Variants in SEM1 observed in about 807,000 individuals in gnomAD.
SEM1 encodes the protein 26S proteasome complex subunit SEM1.
In SEM1, 3 loss-of-function variants were observed where a neutral mutation model predicts 12.7. That is an observed-to-expected ratio of 0.24 (90% CI 0.11 to 0.61). SEM1 has a LOEUF of 0.61. Ranked by LOEUF, SEM1 falls within the 20% of genes least tolerant of loss-of-function variation. The pLI is 0.88. For synonymous variants in SEM1, 30 were observed against 27.8 expected, an observed-to-expected ratio of 1.08 and a Z score of -0.25; for missense variants, 59 against 81.3, an observed-to-expected ratio of 0.73 and a Z score of 1.06.
intron 1 of SEM1, among the ~76,000 whole-genome samples, chr7:96,700,997 A>G (rs1211427466): frequency 6.6e-6 from 1 of 152,216 alleles, no homozygotes; most frequent in Non-Finnish European, 1.5e-5. Flanking sequence ...ACTGCAAAAT[A>G]AATCAATTAT....
intron 2 of SEM1, among the ~76,000 whole-genome samples, chr7:96,595,991 G>T (rs1806987475): frequency 6.6e-6 from 1 of 152,208 alleles, no homozygotes; most frequent in Non-Finnish European, 1.5e-5. Flanking sequence ...GCATAGGGTG[G>T]AGGGGAGGGA....
chr7:96,578,885 G>T (rs1010549101), intron 2 of SEM1, among the ~76,000 whole-genome samples: 1 of 152,232 alleles, frequency 6.6e-6, no homozygotes, highest in African/African-American at 2.4e-5. Context: ...TCTATTTATT[G>T]TGAAGAATTC....
chr7:96,685,147 C>T (rs1256874475), downstream of SEM1, among the ~76,000 whole-genome samples: 1 of 152,058 alleles, frequency 6.6e-6, no homozygotes, highest in Non-Finnish European at 1.5e-5. Context: ...CTGTAGAAAG[C>T]ATTATTAATA....
intron 1 of SEM1, among the ~76,000 whole-genome samples, chr7:96,707,182 A>G (rs1168822563): frequency 1.3e-5 from 2 of 152,224 alleles, no homozygotes; most frequent in Non-Finnish European, 2.9e-5. Flanking sequence ...CTCCCAGGCA[A>G]TGCCAAGTCT....
chr7:96,588,385 CA>C, intron 2 of SEM1, among the ~76,000 whole-genome samples: 1 of 81,162 alleles, frequency 1.2e-5, no homozygotes, highest in African/African-American at 3.8e-5. Context: ...CACACACACA[CA>C]CACACACACA....
intron 2 of SEM1, among the ~76,000 whole-genome samples, chr7:96,557,019 C>T (rs922463879): frequency 2.0e-5 from 3 of 149,162 alleles, no homozygotes; most frequent in African/African-American, 2.5e-5. Flanking sequence ...ACGTAGTTCT[C>T]GAGCCTTGGT....
At chr7:96,684,186 T>C (rs74600968), downstream of SEM1, among the ~76,000 whole-genome samples, 222 of 152,280 alleles carry the variant, frequency 1.5e-3, no homozygotes, top group African/African-American at 5.0e-3. Context: ...CAATTGAGAC[T>C]ACATGCTCCC....
chr7:96,627,881 C>G (rs371839640), intron 2 of SEM1, among the ~76,000 whole-genome samples: 16 of 152,002 alleles, frequency 1.1e-4, no homozygotes, highest in Admixed American at 3.9e-4. Context: ...AGTCTCTTAA[C>G]TATGATTGTA....
Position 96,483,853 on chromosome 7 carries a change from A to C in SEM1, c.*6T>G, listed in dbSNP as rs750166675. ...CCAGACTTCCATCTCTGCTATTGAT[A>C]TGCTGCTAGCAAGTTCTTTCTGCTG... On this transcript the variant is annotated 3_prime_UTR_variant, in exon 4 of 4. Coordinates refer to the SEM1 transcript ENST00000356686. 9.8e-6 allele frequency: 15 copies of C among 1,536,482 alleles called. No individual in the cohort carries two copies. In the Admixed American group the frequency reaches 2.6e-4, roughly 26 times the overall value.
At chr7:96,572,010 T>C (rs1445983178) in intron 2 of SEM1, among the ~76,000 whole-genome samples, 1 of 152,162 alleles carries the variant, frequency 6.6e-6, no homozygotes, top group East Asian at 1.9e-4. Flanking sequence ...GGTTTAGTCT[T>C]GGGAGAGTGT....
intron 2 of SEM1, among the ~76,000 whole-genome samples, chr7:96,572,605 C>A (rs988800372): frequency 1.3e-5 from 2 of 152,144 alleles, no homozygotes; most frequent in Non-Finnish European, 2.9e-5. Flanking sequence ...GAGTGAGTTT[C>A]TTTATCTGAG....
intron 2 of SEM1, among the ~76,000 whole-genome samples, chr7:96,552,763 T>A (rs569942871): frequency 5.9e-5 from 9 of 152,224 alleles, no homozygotes; most frequent in African/African-American, 2.2e-4. Flanking sequence ...CCCTGAGGAA[T>A]CGCCACACTG....
At chr7:96,540,437 G>A (rs966063082) in intron 2 of SEM1, among the ~76,000 whole-genome samples, 7 of 151,516 alleles carry the variant, frequency 4.6e-5, no homozygotes, top group Middle Eastern at 6.8e-3. Flanking sequence ...AATTAATAGG[G>A]GAAAATAATT....
At chr7:96,487,102 C>T (rs1802802030) in intron 1 of SEM1, among the ~76,000 whole-genome samples, 2 of 140,072 alleles carry the variant, frequency 1.4e-5, no homozygotes, top group African/African-American at 3.3e-5. Flanking sequence ...TCTGCACAAC[C>T]TATTCTAGAT....
rs561227546 is a variant in SEM1 at position 96,505,913 on chromosome 7, T to C, written c.*60+710A>G. ...ATAGCAGTTACCCATTGGCATATAA[T>C]ATATAGGGAACCTGGGATAAATACT... On this transcript the variant is annotated intron_variant and NMD_transcript_variant, in intron 3 of 3. Transcript: ENST00000466986. Among the ~76,000 whole-genome samples, 3 of 152,256 alleles carry C rather than the reference T, an allele frequency of 2.0e-5. No homozygotes were observed. The East Asian group carries it at 5.8e-4, about 29-fold the overall frequency.
chr7:96,633,217 G>A (rs191706761), intron 2 of SEM1, among the ~76,000 whole-genome samples: 119 of 152,014 alleles, frequency 7.8e-4, no homozygotes, highest in African/African-American at 2.7e-3. Flanking sequence ...AGAAGGAATT[G>A]GAAAAACACC....
At chr7:96,585,892 T>G (rs1234300897) in intron 2 of SEM1, among the ~76,000 whole-genome samples, 2 of 152,204 alleles carry the variant, frequency 1.3e-5, no homozygotes, top group Admixed American at 6.5e-5. Flanking sequence ...AGATGAACCC[T>G]GTACCTCAGA....
intron 1 of SEM1, among the ~76,000 whole-genome samples, chr7:96,494,426 G>C (rs983624896): frequency 1.3e-5 from 2 of 150,216 alleles, no homozygotes; most frequent in Non-Finnish European, 3.0e-5. Flanking sequence ...TTTTGGTCCA[G>C]TTAATAAAGA....
rs933534840 is a variant in SEM1 at position 96,531,415 on chromosome 7, A to T, written c.171-24717T>A. ...GAGATCCTGTCTCTATAAAAAATAT[A>T]AAAAAAAAAACAACAAAAAAAAACA... On this transcript the variant is annotated intron_variant and NMD_transcript_variant, in intron 2 of 3. Coordinates refer to the SEM1 transcript ENST00000466986. 5.0e-5 allele frequency among the ~76,000 whole-genome samples: 7 copies of T among 140,514 alleles called. No homozygotes were observed. In the East Asian group the frequency reaches 6.1e-4, roughly 12 times the overall value. The allele number at this position is 140,514 out of a possible 152,430, so 92.2% of individuals were successfully genotyped here.
Sources: allele counts gnomAD v4.1 joint callset (sites outside exome capture counted in the v4.1 genomes callset), GRCh38; gene constraint gnomAD v4.1.1; transcripts MANE v1.5; gene names NCBI Gene and HGNC (gene_info 2026-07-23, HGNC 2026-07-21).